EMC3: variants seen among roughly 807,000 people sequenced by gnomAD.
EMC3 encodes ER membrane protein complex subunit 3, also known as 30 kDa protein.
Under a neutral mutation model 36.6 loss-of-function variants are expected in EMC3, and 13 were observed. That is an observed-to-expected ratio of 0.35 (90% CI 0.23 to 0.56). EMC3 has a LOEUF of 0.56. Ranked by LOEUF, EMC3 falls within the 20% of genes least tolerant of loss-of-function variation. The pLI, the probability that EMC3 is intolerant of heterozygous loss-of-function variation, is 0.84. For missense variants in EMC3, 220 were observed against 324.5 expected, an observed-to-expected ratio of 0.68 and a Z score of 2.47; for synonymous variants, 120 against 111.9, an observed-to-expected ratio of 1.07 and a Z score of -0.46.
intron 6 of EMC3, among the ~76,000 whole-genome samples, chr3:9,970,109 C>T (rs546715514): frequency 1.9e-4 from 28 of 151,294 alleles, no homozygotes; most frequent in African/African-American, 6.3e-4. Context: ...CATATTTTTC[C>T]TCATCTGTTC....
chr3:9,997,483 G>A (rs560609141), intron 1 of EMC3, among the ~76,000 whole-genome samples: 28 of 152,122 alleles, frequency 1.8e-4, no homozygotes, highest in Admixed American at 2.6e-4. Flanking sequence ...TTGTTGAGAC[G>A]GAGTCTCACT....
chr3:9,973,076 C>G (rs1361852734), intron 5 of EMC3, among the ~76,000 whole-genome samples: 2 of 151,580 alleles, frequency 1.3e-5, no homozygotes, highest in African/African-American at 2.4e-5. Flanking sequence ...CCGCCCGCCT[C>G]GGCCTCCCAA....
chr3:9,992,492 C>A (rs559372008), intron 1 of EMC3, among the ~76,000 whole-genome samples: 4 of 152,256 alleles, frequency 2.6e-5, no homozygotes, highest in African/African-American at 9.6e-5. Flanking sequence ...ATTTACTGAA[C>A]CCTTTCCAGA....
intron 1 of EMC3, chr3:9,981,547 T>C: frequency 1.1e-5 from 2 of 184,334 alleles, no homozygotes; most frequent in Non-Finnish European, 2.3e-5. Flanking sequence ...AATAAGTCTC[T>C]GTACTGTTAT....
chr3:9,998,624 G>A (rs901808329), intron 1 of EMC3, among the ~76,000 whole-genome samples: 2 of 151,758 alleles, frequency 1.3e-5, no homozygotes, highest in Non-Finnish European at 2.9e-5. Flanking sequence ...ATCCTGATGA[G>A]TACGGAGTGA....
At chr3:9,992,410 G>T (rs1202598461) in intron 1 of EMC3, among the ~76,000 whole-genome samples, 2 of 152,116 alleles carry the variant, frequency 1.3e-5, no homozygotes, top group Non-Finnish European at 2.9e-5. Flanking sequence ...ACAGGTGTGA[G>T]CCCCCACGCC....
chr3:9,969,588 T>C (rs1279781470), intron 7 of EMC3, 131 bp downstream of exon 7: 2 of 1,541,376 alleles, frequency 1.3e-6, no homozygotes, highest in Non-Finnish European at 1.7e-6. Context: ...ACGTGTAAAC[T>C]ATGTTTTTAC....
intron 2 of EMC3, 149 bp from the exon 3 acceptor site, chr3:9,977,199 T>C (rs1478509002): frequency 1.2e-6 from 1 of 856,258 alleles, no homozygotes; most frequent in Non-Finnish European, 1.8e-6. Flanking sequence ...CCTGACACTT[T>C]AGCTGAGTCA....
At chr3:9,985,120 C>T (rs17050673) in intron 1 of EMC3, among the ~76,000 whole-genome samples, 53 of 152,278 alleles carry the variant, frequency 3.5e-4, no homozygotes, top group African/African-American at 1.2e-3. Context: ...TTTTGTCCAA[C>T]GCTTGTATCA....
chr3:10,003,357 C>T lies in EMC3; in HGVS notation c.-242+7666G>A, dbSNP rs570073523. Reference sequence around the variant, plus strand: ...TTAAAATGTTTTTGCCTGTGTCCACCGCCGAAAAGGAGGAATAAGATGACC... The same window carrying T: ...TTAAAATGTTTTTGCCTGTGTCCACTGCCGAAAAGGAGGAATAAGATGACC... On this transcript the variant is annotated intron_variant, in intron 1 of 8. Transcript: ENST00000470827. 1.9e-3 allele frequency: 693 copies of T among 373,202 alleles called. 3 individuals carry two copies. The highest frequency in any genetic ancestry group is 2.8e-3 in the Non-Finnish European group (520 of 188,462). The allele number at this position is 373,202 out of a possible 1,614,324, so 23.1% of individuals were successfully genotyped here. A position where few individuals can be genotyped will look rare whatever the true frequency, so the allele number is the denominator to read the frequency against.
intron 1 of EMC3, chr3:10,008,495 G>A (rs1041248852): frequency 3.7e-6 from 5 of 1,366,564 alleles, no homozygotes; most frequent in African/African-American, 3.0e-5. Context: ...CTCCTGGGGG[G>A]CTGACAGCCA....
intron 1 of EMC3, chr3:10,007,201 G>T (rs3732963): frequency 0.27 from 220,123 of 827,996 alleles, 34,485 homozygotes; most frequent in African/African-American, 0.66. Context: ...CAAATCATTA[G>T]TAGTGGCTCT....
chr3:9,963,475 A>ATTTTT lies in EMC3; in HGVS notation c.*593_*594insAAAAA, dbSNP rs1461623657. On this transcript the variant is annotated 3_prime_UTR_variant, in exon 8 of 8. Transcript: ENST00000245046. Reference sequence around the variant, plus strand: ...GATAGATATATATATATATATATATATATTTTTTTTTTTTTTTCAGATGGA... The same window carrying ATTTTT: ...GATAGATATATATATATATATATATATTTTTTATTTTTTTTTTTTTTTCAGATGGA... 5.9e-5 allele frequency: 6 copies of ATTTTT among 102,552 alleles called. No individual in the cohort carries two copies. The highest frequency in any genetic ancestry group is 1.0e-4 in the African/African-American group (3 of 28,716). The allele number at this position is 102,552 out of a possible 1,614,324, so 6.4% of individuals were successfully genotyped here. A position where few individuals can be genotyped will look rare whatever the true frequency, so the allele number is the denominator to read the frequency against.
In EMC3 at chr3:9,986,820, T is replaced by G. The variant is rs936005402; in HGVS notation, c.-159A>C. 91 of 1,412,796 alleles carry G rather than the reference T, an allele frequency of 6.4e-5. No homozygotes were observed. The highest frequency in any genetic ancestry group is 7.7e-5 in the Non-Finnish European group (83 of 1,081,240). The allele number at this position is 1,412,796 out of a possible 1,614,324, so 87.5% of individuals were successfully genotyped here. On this transcript the variant is annotated 5_prime_UTR_variant, in exon 1 of 8. Transcript: ENST00000245046. ...GTGAGCCGAGCTTACTGCCTTCAGC[T>G]GGGCTGCCTGGTCTTCCACTTCCGG...
rs1411481436 is a variant in EMC3, at chr3:9,964,216, C to A, written c.658-19G>T. On this transcript the variant is annotated intron_variant, in intron 7 of 7. Coordinates refer to ENST00000245046, the MANE Select transcript of EMC3 (RefSeq NM_001394674.1). ...ACTCTGTCTGTAATGGAAGAGAACA[C>A]CCAGGCAGGAAGAGAGGGAATTGTT... 8 of 1,612,598 alleles carry A rather than the reference C, an allele frequency of 5.0e-6. No homozygotes were observed. The highest frequency in any genetic ancestry group is 6.8e-6 in the Non-Finnish European group (8 of 1,179,362).
chr3:10,008,406 G>A (rs747002875), intron 1 of EMC3: 2 of 1,367,608 alleles, frequency 1.5e-6, no homozygotes, highest in East Asian at 4.6e-5. Flanking sequence ...GTGTCTACCT[G>A]GGCCGGCATG....
At chr3:9,987,341 G>A, upstream of EMC3, 2 of 984,632 alleles carry the variant, frequency 2.0e-6, no homozygotes, top group Non-Finnish European at 2.4e-6. Context: ...TCCGGGCCGC[G>A]GTCGGCGTTC....
At chr3:9,996,717 C>G (rs568726817) in intron 1 of EMC3, among the ~76,000 whole-genome samples, 1 of 152,262 alleles carries the variant, frequency 6.6e-6, no homozygotes, top group African/African-American at 2.4e-5. Context: ...AAATAACTCA[C>G]TTCTTCTCAG....
At chr3:9,979,614 T>C (rs568604489) in intron 1 of EMC3, among the ~76,000 whole-genome samples, 1 of 152,320 alleles carries the variant, frequency 6.6e-6, no homozygotes, top group Non-Finnish European at 1.5e-5. Flanking sequence ...GTGATCAAAA[T>C]ACAAATATCT....
Sources: allele counts gnomAD v4.1 joint callset (sites outside exome capture counted in the v4.1 genomes callset), GRCh38; gene constraint gnomAD v4.1.1; transcripts MANE v1.5; gene names NCBI Gene and HGNC (gene_info 2026-07-23, HGNC 2026-07-21).